The following DRG1 variants were observed in gnomAD, a reference collection of about 807,000 sequenced individuals.
DRG1 encodes the protein developmentally-regulated GTP-binding protein 1.
A neutral mutation model predicts 38.8 loss-of-function variants in DRG1; 19 were observed. The observed-to-expected ratio is 0.49, with a 90% CI of 0.34 to 0.72. DRG1 has a LOEUF of 0.72. Ranked by LOEUF, DRG1 falls within the 30% of genes least tolerant of loss-of-function variation. DRG1 has a pLI of 0.01. For synonymous variants in DRG1, 167 were observed against 157.5 expected, an observed-to-expected ratio of 1.06 and a Z score of -0.45; for missense variants, 299 against 444.8, an observed-to-expected ratio of 0.67 and a Z score of 2.95.
Position 31,400,646 on chromosome 22 carries a change from C to T in DRG1, c.69C>T (p.Ala23=), listed in dbSNP as rs139901998. ...TGGCTCGGACTCAAAAGAACAAGGC[C>T]ACAGCACACCACTTAGGGCTGCTTA... ...AEMARTQKNK[A]TAHHLGLLKA... Residue 23 remains alanine, a synonymous_variant, in exon 2 of 9, where the codon GCC becomes GCT. Coordinates refer to ENST00000331457, the MANE Select transcript of DRG1 (RefSeq NM_004147.4). 6.2e-7 allele frequency: 1 copy of T among 1,613,188 alleles called. No individual in the cohort carries two copies. Among genetic ancestry groups the T allele is most frequent in the Non-Finnish European group, 8.5e-7 (1 of 1,179,522 alleles).
At chr22:31,420,758 G>T (rs575886789) in intron 5 of DRG1, among the ~76,000 whole-genome samples, 2 of 152,254 alleles carry the variant, frequency 1.3e-5, no homozygotes, top group East Asian at 3.9e-4. Context: ...CCTACCACGG[G>T]CCAAGCATTA....
At position 31,420,423 on chromosome 22, in the gene DRG1, A is replaced by C. The variant is rs763641476; in HGVS notation, c.580A>C (p.Thr194Pro). 6.2e-7 allele frequency: 1 copy of C among 1,614,056 alleles called. No homozygotes were observed. The highest frequency in any genetic ancestry group is 8.5e-7 in the Non-Finnish European group (1 of 1,180,036). ...CAAGGGAGGCATTAATCTCACAGCC[A>C]CTGTAAGTGGGGAATATGACATGGG... ...KDKGGINLTA[T>P]CPQSELDAET... The change falls in exon 5 of 9, where the codon ACT (threonine) becomes CCT (proline). Residue 194 changes from threonine to proline, a missense_variant and splice_region_variant. By Grantham distance (38) the Thr-to-Pro change is conservative. Transcript: ENST00000331457.
chr22:31,405,714 A>T (rs2049986293), intron 3 of DRG1, among the ~76,000 whole-genome samples: 1 of 150,832 alleles, frequency 6.6e-6, no homozygotes, highest in African/African-American at 2.4e-5. Flanking sequence ...TTTGAGACGG[A>T]GTCTTACTCT....
At chr22:31,429,087 A>G (rs1009462445) in intron 8 of DRG1, among the ~76,000 whole-genome samples, 2 of 151,824 alleles carry the variant, frequency 1.3e-5, no homozygotes, top group Non-Finnish European at 2.9e-5. Flanking sequence ...TTTCTCTTCA[A>G]ATTTTTGCCT....
Position 31,419,801 on chromosome 22 carries a change from T to C in DRG1, c.413-455T>C, listed in dbSNP as rs542073607. ...GCTCATGCCTGTAATCCTAGCACTT[T>C]GGGAGGCTGAGGTGGGCGGATTGCC... On this transcript the variant is annotated intron_variant, in intron 4 of 8. Transcript: ENST00000331457. 2.6e-5 allele frequency among the ~76,000 whole-genome samples: 4 copies of C among 152,256 alleles called. No homozygotes were observed. The South Asian group carries it at 8.3e-4, about 32-fold the overall frequency.
At chr22:31,405,332 T>C (rs1018338771) in intron 3 of DRG1, among the ~76,000 whole-genome samples, 1 of 151,958 alleles carries the variant, frequency 6.6e-6, no homozygotes, top group Admixed American at 6.6e-5. Context: ...CACACCTGGC[T>C]AATTTTTGTA....
At chr22:31,407,234 G>A (rs1229552706) in intron 3 of DRG1, among the ~76,000 whole-genome samples, 1 of 151,974 alleles carries the variant, frequency 6.6e-6, no homozygotes, top group Non-Finnish European at 1.5e-5. Flanking sequence ...TATATTTTAG[G>A]GGAGATACTT....
At chr22:31,401,363 G>A (rs931067781) in intron 2 of DRG1, among the ~76,000 whole-genome samples, 14 of 151,826 alleles carry the variant, frequency 9.2e-5, no homozygotes, top group African/African-American at 2.7e-4. Context: ...CGTGGATCAC[G>A]AGATCAGGAG....
At chr22:31,407,979 A>G (rs891353069) in intron 3 of DRG1, among the ~76,000 whole-genome samples, 2 of 150,016 alleles carry the variant, frequency 1.3e-5, no homozygotes, top group African/African-American at 2.4e-5. Flanking sequence ...AAAAAAAATT[A>G]GTGGGGCATG....
intron 2 of DRG1, 57 bp downstream of exon 2, chr22:31,400,800 C>T: frequency 1.3e-6 from 2 of 1,566,482 alleles, no homozygotes; most frequent in Non-Finnish European, 1.7e-6. Flanking sequence ...CAAAATAGTA[C>T]ATACATGTGG....
At chr22:31,407,678 C>T (rs1319802427) in intron 3 of DRG1, among the ~76,000 whole-genome samples, 1 of 138,468 alleles carries the variant, frequency 7.2e-6, no homozygotes, top group African/African-American at 2.6e-5. Context: ...TTTTTATTTT[C>T]ATTTTTCTTT....
At chr22:31,416,491 C>T (rs2050044994) in intron 4 of DRG1, among the ~76,000 whole-genome samples, 1 of 152,168 alleles carries the variant, frequency 6.6e-6, no homozygotes, top group Non-Finnish European at 1.5e-5. Context: ...TGGTGGCTCA[C>T]AGTCTGTAAT....
chr22:31,406,454 C>T (rs967195787), intron 3 of DRG1, among the ~76,000 whole-genome samples: 4 of 152,146 alleles, frequency 2.6e-5, no homozygotes, highest in Non-Finnish European at 4.4e-5. Context: ...AATTCTCTCT[C>T]GTGGTCTTTT....
chr22:31,428,909 G>A (rs1036978894), intron 8 of DRG1, among the ~76,000 whole-genome samples: 2 of 152,138 alleles, frequency 1.3e-5, no homozygotes, highest in Non-Finnish European at 2.9e-5. Flanking sequence ...TCTTCTCAAT[G>A]TATCATTACA....
chr22:31,431,838 G>A (rs193121892), intron 8 of DRG1, among the ~76,000 whole-genome samples: 3 of 152,094 alleles, frequency 2.0e-5, no homozygotes, highest in Non-Finnish European at 2.9e-5. Context: ...ACTTTAACTG[G>A]TAAAGATGAC....
intron 2 of DRG1, among the ~76,000 whole-genome samples, chr22:31,402,300 GA>G (rs886737444): frequency 1.3e-5 from 2 of 151,254 alleles, no homozygotes; most frequent in East Asian, 1.9e-4. Flanking sequence ...AAAGAAAAAA[GA>G]AAAAAAGAAA....
chr22:31,429,735 C>T (rs2050129497), intron 8 of DRG1, among the ~76,000 whole-genome samples: 1 of 151,474 alleles, frequency 6.6e-6, no homozygotes, highest in Non-Finnish European at 1.5e-5. Flanking sequence ...TAGCCTTGAT[C>T]TCATGGGCTC....
intron 8 of DRG1, among the ~76,000 whole-genome samples, chr22:31,429,181 C>T (rs954313261): frequency 6.6e-6 from 1 of 152,040 alleles, no homozygotes; most frequent in African/African-American, 2.4e-5. Context: ...TGTAGTGGCA[C>T]GATATCAGCT....
chr22:31,430,282 T>C (rs2050131710), intron 8 of DRG1, among the ~76,000 whole-genome samples: 1 of 152,198 alleles, frequency 6.6e-6, no homozygotes, highest in Non-Finnish European at 1.5e-5. Context: ...TATACACAAC[T>C]GTATTTCTGT....
Sources: allele counts gnomAD v4.1 joint callset (sites outside exome capture counted in the v4.1 genomes callset), GRCh38; gene constraint gnomAD v4.1.1; transcripts MANE v1.5; gene names NCBI Gene and HGNC (gene_info 2026-07-23, HGNC 2026-07-21).